RGS12: variants seen among roughly 807,000 people sequenced by gnomAD.
RGS12 encodes regulator of G protein signaling 12, also known as regulator of G-protein signaling 12.
Under a neutral mutation model 120.1 loss-of-function variants are expected in RGS12, and 66 were observed. The observed-to-expected ratio is 0.55, with a 90% confidence interval of 0.45 to 0.67. The LOEUF (loss-of-function observed/expected upper bound fraction) is 0.67, where lower values mean the gene tolerates loss of function less well. Among genes scored for constraint, RGS12 ranks in the 30% least tolerant of loss-of-function variants. The pLI is 0.00. For synonymous variants in RGS12, 827 were observed against 804.7 expected (o/e 1.03, Z -0.47); for missense variants, 1,859 against 1,957.7 (o/e 0.95, Z 0.95).
chr4:3,327,548 C>T (rs1002503661), intron 2 of RGS12, among the ~76,000 whole-genome samples: 1 of 152,142 alleles, frequency 6.6e-6, no homozygotes, highest in Admixed American at 6.5e-5. Flanking sequence ...GTCTAATATC[C>T]AGAATATATG....
chr4:3,429,553 G>A (rs1019470279), intron 16 of RGS12, among the ~76,000 whole-genome samples: 2 of 152,226 alleles, frequency 1.3e-5, no homozygotes, highest in African/African-American at 4.8e-5. Flanking sequence ...GTTCCTTGTA[G>A]TTGTTAAAAA....
chr4:3,420,647 C>T lies in RGS12; in HGVS notation c.2767C>T (p.Leu923=), dbSNP rs377406450. ...ACTGTGTTTCCCCTGTCAAGACGCC[C>T]TGCATGCCAATGGAGGCCTGTGTCG... ...REHGDHADDA[L]HANGGLCRRE... Residue 923 remains leucine (L), a synonymous_variant, in exon 10 of 18, where the codon CTG becomes TTG. Coordinates refer to ENST00000336727, the MANE Select transcript of RGS12 (RefSeq NM_001394154.1). The T allele has an allele frequency of 5.2e-5, 84 of 1,613,584 alleles. 1 individual carries two copies. The highest frequency in any genetic ancestry group is 1.0e-5 in the Non-Finnish European group (12 of 1,180,032).
intron 3 of RGS12, among the ~76,000 whole-genome samples, chr4:3,351,018 T>G (rs575731850): frequency 6.6e-6 from 1 of 152,172 alleles, no homozygotes; most frequent in East Asian, 1.9e-4. Context: ...AAACGGAACT[T>G]TTATCTGTGG....
chr4:3,401,601 G>A (rs984749687), intron 4 of RGS12, among the ~76,000 whole-genome samples: 3 of 152,224 alleles, frequency 2.0e-5, no homozygotes, highest in Admixed American at 1.3e-4. Flanking sequence ...TTTTACAGCG[G>A]GGGGAGTGTC....
chr4:3,428,491 A>G, intron 15 of RGS12, 67 bp from the exon 16 acceptor site: 1 of 1,352,806 alleles, frequency 7.4e-7, no homozygotes, highest in Non-Finnish European at 1.0e-6. Context: ...TCTACTCTCT[A>G]ACTAATGAAT....
intron 2 of RGS12, among the ~76,000 whole-genome samples, chr4:3,326,347 A>G (rs1007161589): frequency 6.6e-6 from 1 of 152,204 alleles, no homozygotes; most frequent in Non-Finnish European, 1.5e-5. Context: ...CTTGGACTCA[A>G]GGGATCCTCC....
intron 16 of RGS12, among the ~76,000 whole-genome samples, chr4:3,429,981 G>T (rs115811123): frequency 1.2e-4 from 19 of 152,322 alleles, no homozygotes; most frequent in African/African-American, 4.6e-4. Context: ...TGCAGCTGCA[G>T]CTGGGACCCG....
Position 3,316,843 on chromosome 4 carries a change from A to G in RGS12, c.673A>G (p.Ile225Val), listed in dbSNP as rs7679941. 6.8e-3 allele frequency: 10,901 copies of G among 1,614,192 alleles called. 650 individuals carry two copies. The African/African-American group carries it at 0.13, about 19-fold the overall frequency. ...SHDDFALDAS[I>V]LNVAMIVGYL... is the part of the protein sequence containing the mutation. ...TGACGATTTTGCATTGGATGCAAGT[A>G]TTTTAAACGTGGCGATGATCGTGGG... The change falls in exon 2 of 18, where the codon ATT becomes GTT. Residue 225 changes from isoleucine to valine, a missense_variant. Physicochemically the swap from Ile to Val is conservative, Grantham distance 29. Transcript: ENST00000336727.
At chr4:3,347,885 T>A (rs1308195211) in intron 3 of RGS12, among the ~76,000 whole-genome samples, 1 of 152,244 alleles carries the variant, frequency 6.6e-6, no homozygotes, top group Admixed American at 6.5e-5. Context: ...ATATTAGGTT[T>A]CTGAGAGTTT....
chr4:3,363,553 CG>C (rs149629364), intron 3 of RGS12, among the ~76,000 whole-genome samples: 1,631 of 151,792 alleles, frequency 0.011, 41 homozygotes, highest in African/African-American at 0.037. Flanking sequence ...CAGGGGTGTG[CG>C]GGTTCTGCGT....
chr4:3,362,704 T>A (rs1478078766), intron 3 of RGS12, among the ~76,000 whole-genome samples: 6 of 140,576 alleles, frequency 4.3e-5, no homozygotes, highest in Admixed American at 7.1e-5. Flanking sequence ...AGGGTGTGTG[T>A]GAGGCTGTGT....
Position 3,417,607 on chromosome 4 carries a change from C to G in RGS12, c.2761+66C>G, listed in dbSNP as rs958292789. On this transcript the variant is annotated intron_variant, in intron 9 of 17. Coordinates refer to ENST00000336727, the MANE Select transcript of RGS12 (RefSeq NM_001394154.1). ...CAGCCGCGTCCCCGTCCTGGCGTCG[C>G]TCTGGTGGTTGGCGGTGACCTTGGG... 1.3e-5 allele frequency: 20 copies of G among 1,562,876 alleles called. No homozygotes were observed. In the African/African-American group the frequency reaches 2.2e-4, roughly 17 times the overall value.
chr4:3,293,823 A>T (rs897435285), intron 1 of RGS12, among the ~76,000 whole-genome samples: 36 of 132,672 alleles, frequency 2.7e-4, no homozygotes, highest in Non-Finnish European at 5.3e-4. Flanking sequence ...CGTGGAGTGT[A>T]GACCGAGAGG....
intron 3 of RGS12, among the ~76,000 whole-genome samples, chr4:3,347,850 A>G (rs1713967079): frequency 6.6e-6 from 1 of 152,248 alleles, no homozygotes; most frequent in East Asian, 1.9e-4. Flanking sequence ...TCTGTAGCAT[A>G]CAACATAATA....
Position 3,422,584 on chromosome 4 carries a change from C to G in RGS12, c.3033+14C>G. 2 of 1,606,558 alleles carry G rather than the reference C, an allele frequency of 1.2e-6. No individual in the cohort carries two copies. The highest frequency in any genetic ancestry group is 2.2e-5 in the East Asian group (1 of 44,786). On this transcript the variant is annotated intron_variant, in intron 11 of 17. Transcript: ENST00000336727. ...GGCGGGGACAAGGTACTGGGCCCGCCTGACCCTCGTGCTGCCCTCAGGCCA... is the reference window on the plus strand; with the variant it reads ...GGCGGGGACAAGGTACTGGGCCCGCGTGACCCTCGTGCTGCCCTCAGGCCA...
At chr4:3,436,019 C>G (rs1257764304) in intron 17 of RGS12, among the ~76,000 whole-genome samples, 1 of 152,204 alleles carries the variant, frequency 6.6e-6, no homozygotes, top group Non-Finnish European at 1.5e-5. Flanking sequence ...TGGGCGCTGT[C>G]CACTCCCTCG....
chr4:3,328,773 G>A (rs1375691747), intron 2 of RGS12, among the ~76,000 whole-genome samples: 2 of 152,186 alleles, frequency 1.3e-5, no homozygotes, highest in African/African-American at 4.8e-5. Flanking sequence ...TGTGTTGGGA[G>A]TGTTGGTTTA....
intron 1 of RGS12, among the ~76,000 whole-genome samples, chr4:3,303,859 C>T (rs1723818816): frequency 6.6e-6 from 1 of 152,208 alleles, no homozygotes; most frequent in Non-Finnish European, 1.5e-5. Context: ...CTCAAGTGTT[C>T]AAAGAAACGA....
At chr4:3,376,974 G>A (rs1717767787) in intron 3 of RGS12, among the ~76,000 whole-genome samples, 1 of 152,004 alleles carries the variant, frequency 6.6e-6, no homozygotes, top group African/African-American at 2.4e-5. Flanking sequence ...AATTTTAAAA[G>A]GTAAAGCATA....
Sources: gnomAD v4.1 joint callset for allele counts (sites outside exome capture counted in the v4.1 genomes callset) on GRCh38, gnomAD v4.1.1 for gene constraint, MANE v1.5 for transcripts, NCBI Gene and HGNC (gene_info 2026-07-23, HGNC 2026-07-21) for gene names.